The following TRPM6 variants were observed in gnomAD, a reference collection of about 807,000 sequenced individuals.
TRPM6 encodes transient receptor potential cation channel subfamily M member 6.
A neutral mutation model predicts 247.6 loss-of-function variants in TRPM6; 111 were observed. The ratio of observed to expected loss-of-function variants is 0.45; its 90% confidence interval spans 0.38 to 0.52. TRPM6 has a LOEUF of 0.52. TRPM6 is among the 20% of genes least tolerant of loss of function. The pLI, the probability that TRPM6 is intolerant of heterozygous loss-of-function variation, is 0.00. For missense variants in TRPM6, 2,126 were observed against 2,421.5 expected (o/e 0.88, Z 2.56); for synonymous variants, 892 against 853.8 (o/e 1.04, Z -0.78).
chr9:74,827,601 G>A (rs1564032863), intron 7 of TRPM6, 177 bp downstream of exon 7: 6 of 719,200 alleles, frequency 8.3e-6, no homozygotes, highest in Non-Finnish European at 1.5e-5. Flanking sequence ...ATTTGGATTG[G>A]ATACATGGAG....
At chr9:74,750,783 G>C (rs372120424) in intron 29 of TRPM6, 61 bp from the exon 30 acceptor site, 2 of 1,445,430 alleles carry the variant, frequency 1.4e-6, no homozygotes, top group African/African-American at 1.4e-5. Flanking sequence ...CAAGTTTCTA[G>C]GAATGATCTG....
chr9:74,776,146 T>C (rs1267527183), intron 23 of TRPM6, 70 bp from the exon 24 acceptor site: 3 of 1,378,374 alleles, frequency 2.2e-6, no homozygotes, highest in Non-Finnish European at 3.1e-6. Context: ...GTCTATATTT[T>C]CCAACATTTA....
At chr9:74,843,653 CA>C (rs556783609) in intron 3 of TRPM6, among the ~76,000 whole-genome samples, 2,195 of 138,680 alleles carry the variant, frequency 0.016, 54 homozygotes, top group African/African-American at 0.053. Context: ...CTAAAAAATA[CA>C]AAAAAAAAAA....
chr9:74,744,852 T>C (rs574277709), intron 31 of TRPM6, among the ~76,000 whole-genome samples: 2 of 152,306 alleles, frequency 1.3e-5, no homozygotes, highest in East Asian at 3.9e-4. Flanking sequence ...GTAAGCAGCA[T>C]AATGAGCCCA....
intron 21 of TRPM6, among the ~76,000 whole-genome samples, chr9:74,784,473 A>T (rs1044535193): frequency 6.6e-6 from 1 of 152,168 alleles, no homozygotes; most frequent in Admixed American, 6.5e-5. Context: ...CTAAGATTAA[A>T]TGAGTTAATA....
chr9:74,763,537 G>A (rs1826725760), intron 25 of TRPM6, among the ~76,000 whole-genome samples: 1 of 151,792 alleles, frequency 6.6e-6, no homozygotes, highest in South Asian at 2.1e-4. Context: ...CAATTTTAAT[G>A]CATGTAGGAG....
chr9:74,850,764 T>A (rs967878079), intron 3 of TRPM6, among the ~76,000 whole-genome samples: 1 of 151,728 alleles, frequency 6.6e-6, no homozygotes, highest in African/African-American at 2.4e-5. Context: ...AAAGTAAGAA[T>A]ATTGGGGTTC....
intron 31 of TRPM6, among the ~76,000 whole-genome samples, chr9:74,747,613 C>T (rs1399771783): frequency 1.3e-5 from 2 of 152,090 alleles, no homozygotes; most frequent in Admixed American, 6.6e-5. Flanking sequence ...AGTTGGTGAG[C>T]AAAATGAGCT....
At position 74,785,858 on chromosome 9, in the gene TRPM6, A is replaced by G. The variant is rs1002456417; in HGVS notation, c.2919+16T>C. ...TTAAAAAAGAATACCAGGATATAAAACTAGACTGTACTCACCATTTTTGCA... is the reference window on the plus strand; with the variant it reads ...TTAAAAAAGAATACCAGGATATAAAGCTAGACTGTACTCACCATTTTTGCA... On this transcript the variant is annotated intron_variant, in intron 21 of 38. Transcript: ENST00000360774. The G allele has an allele frequency of 2.4e-5, 38 of 1,613,914 alleles. No homozygotes were observed. Among genetic ancestry groups the G allele is most frequent in the Non-Finnish European group, 3.2e-5 (38 of 1,179,974 alleles).
Position 74,724,753 on chromosome 9 carries a change from G to A in TRPM6, c.5936-7C>T. On this transcript the variant is annotated splice_region_variant and splice_polypyrimidine_tract_variant and intron_variant, in intron 38 of 38. Coordinates refer to ENST00000360774, the MANE Select transcript of TRPM6 (RefSeq NM_017662.5). Reference sequence around the variant, plus strand: ...TAGTCATTTCTTTTTAAATCTGCAAGGAGGACAAGTAAAAAGGTTATAGTG... The same window carrying A: ...TAGTCATTTCTTTTTAAATCTGCAAAGAGGACAAGTAAAAAGGTTATAGTG... 6.2e-7 allele frequency: 1 copy of A among 1,614,060 alleles called. No individual in the cohort carries two copies. The highest frequency in any genetic ancestry group is 8.5e-7 in the Non-Finnish European group (1 of 1,179,998).
chr9:74,832,256 C>T (rs1829572633), intron 6 of TRPM6, among the ~76,000 whole-genome samples: 2 of 152,068 alleles, frequency 1.3e-5, no homozygotes, highest in South Asian at 4.1e-4. Context: ...AAATAAATTA[C>T]ACACACATAA....
At chr9:74,729,651 G>T (rs993973667) in intron 37 of TRPM6, among the ~76,000 whole-genome samples, 2 of 152,172 alleles carry the variant, frequency 1.3e-5, no homozygotes, top group Non-Finnish European at 1.5e-5. Flanking sequence ...TGTCCATCTG[G>T]TAAGGAACCA....
At chr9:74,776,262 G>T (rs767897416) in intron 23 of TRPM6, 186 bp from the exon 24 acceptor site, 1 of 602,198 alleles carries the variant, frequency 1.7e-6, no homozygotes, top group Non-Finnish European at 3.0e-6. Context: ...CTTCTACAAT[G>T]AAACATGCTA....
chr9:74,832,228 T>A (rs868106700), intron 6 of TRPM6, among the ~76,000 whole-genome samples: 1 of 152,088 alleles, frequency 6.6e-6, no homozygotes, highest in African/African-American at 2.4e-5. Flanking sequence ...TCAGAACAAA[T>A]GACCCAGTTT....
intron 27 of TRPM6, among the ~76,000 whole-genome samples, chr9:74,756,182 G>A (rs1826423835): frequency 6.6e-6 from 1 of 151,972 alleles, no homozygotes; most frequent in Non-Finnish European, 1.5e-5. Flanking sequence ...ATATTTCTTG[G>A]GATTCCAGAA....
chr9:74,772,070 G>A (rs1268471672), intron 24 of TRPM6, among the ~76,000 whole-genome samples: 1 of 152,146 alleles, frequency 6.6e-6, no homozygotes, highest in African/African-American at 2.4e-5. Context: ...GGGGTGGATC[G>A]CTTGAGCTCA....
chr9:74,803,974 T>G, intron 14 of TRPM6, 88 bp from the exon 15 acceptor site: 1 of 842,492 alleles, frequency 1.2e-6, no homozygotes, highest in Non-Finnish European at 2.1e-6. Context: ...GAGATTATAG[T>G]GGTAACAATA....
At chr9:74,830,844 G>C (rs1486847485) in intron 6 of TRPM6, among the ~76,000 whole-genome samples, 1 of 136,704 alleles carries the variant, frequency 7.3e-6, no homozygotes, top group East Asian at 2.1e-4. Flanking sequence ...CAATCCGCCG[G>C]CCTCGGCCTC....
At chr9:74,771,904 A>G (rs1477261427) in intron 24 of TRPM6, 69 bp from the exon 25 acceptor site, 43 of 1,439,328 alleles carry the variant, frequency 3.0e-5, no homozygotes, top group Non-Finnish European at 4.1e-5. Context: ...CTTTTCTTCC[A>G]CTTGTATTGA....
Sources: allele counts gnomAD v4.1 joint callset (sites outside exome capture counted in the v4.1 genomes callset), GRCh38; gene constraint gnomAD v4.1.1; transcripts MANE v1.5; gene names NCBI Gene and HGNC (gene_info 2026-07-23, HGNC 2026-07-21).